Variants in GREM2 observed in about 807,000 individuals in gnomAD.
GREM2 encodes the protein gremlin 2, DAN family BMP antagonist.
GREM2 carries 11 observed loss-of-function variants against 14.2 expected under a neutral mutation model. The observed-to-expected ratio is 0.78, with a 90% confidence interval of 0.49 to 1.28. GREM2 has a LOEUF of 1.28. GREM2 is among the 50% of genes most tolerant of loss of function. The probability of loss-of-function intolerance (pLI) is 0.00; values close to 1 mark genes in which losing one functional copy is unlikely to be tolerated. For synonymous variants in GREM2, 98 were observed against 97.6 expected (o/e 1.00, Z -0.02); for missense variants, 210 against 218.5 (o/e 0.96, Z 0.24).
chr1:240,604,144 C>T (rs1213609157), intron 1 of GREM2, among the ~76,000 whole-genome samples: 1 of 151,714 alleles, frequency 6.6e-6, no homozygotes, highest in African/African-American at 2.4e-5. Context: ...GAGGGAGAAC[C>T]CACTCATTAC....
chr1:240,551,008 A>G (rs1457050323), intron 1 of GREM2, among the ~76,000 whole-genome samples: 1 of 152,214 alleles, frequency 6.6e-6, no homozygotes, highest in Admixed American at 6.5e-5. Flanking sequence ...ATGGCCTAAA[A>G]GAACTCATTT....
chr1:240,504,051 A>G (rs1423975974), intron 1 of GREM2, among the ~76,000 whole-genome samples: 3 of 152,266 alleles, frequency 2.0e-5, no homozygotes, highest in African/African-American at 7.2e-5. Context: ...AAAACTATAA[A>G]GAAGAACTTG....
chr1:240,541,084 T>C (rs1190253792), intron 1 of GREM2, among the ~76,000 whole-genome samples: 1 of 152,202 alleles, frequency 6.6e-6, no homozygotes, highest in Non-Finnish European at 1.5e-5. Flanking sequence ...AGAAATTTAA[T>C]ATCTTGGCCA....
chr1:240,522,120 CAAAAA>C (rs34438696), intron 1 of GREM2, among the ~76,000 whole-genome samples: 2 of 70,908 alleles, frequency 2.8e-5, no homozygotes, highest in African/African-American at 8.9e-5. Flanking sequence ...ACCCTGTCTC[CAAAAA>C]AAAAAAAAAA....
intron 1 of GREM2, among the ~76,000 whole-genome samples, chr1:240,583,246 T>C (rs1297795656): frequency 2.0e-5 from 3 of 152,022 alleles, no homozygotes. Flanking sequence ...TATGTTAATC[T>C]CATGGAGGAA....
chr1:240,603,437 G>A (rs1401161168), intron 1 of GREM2, among the ~76,000 whole-genome samples: 1 of 151,794 alleles, frequency 6.6e-6, no homozygotes, highest in Non-Finnish European at 1.5e-5. Flanking sequence ...TACCATCAAG[G>A]CCCAACTCCA....
chr1:240,541,126 G>A (rs1454619426), intron 1 of GREM2, among the ~76,000 whole-genome samples: 3 of 152,156 alleles, frequency 2.0e-5, no homozygotes, highest in Non-Finnish European at 2.9e-5. Context: ...TGGGATAAAA[G>A]GGTGGGATCC....
chr1:240,560,093 C>T (rs914091813), intron 1 of GREM2, among the ~76,000 whole-genome samples: 1 of 152,080 alleles, frequency 6.6e-6, no homozygotes, highest in Non-Finnish European at 1.5e-5. Flanking sequence ...CAAGACCAGC[C>T]TAGGCAACAC....
At chr1:240,507,924 T>C (rs1677717875) in intron 1 of GREM2, among the ~76,000 whole-genome samples, 1 of 152,168 alleles carries the variant, frequency 6.6e-6, no homozygotes, top group Non-Finnish European at 1.5e-5. Context: ...AAGGATCTAC[T>C]CTAAGTGAAG....
chr1:240,497,582 G>A (rs181329388), intron 1 of GREM2, among the ~76,000 whole-genome samples: 8 of 150,708 alleles, frequency 5.3e-5, no homozygotes, highest in African/African-American at 1.7e-4. Context: ...CAAAGGGTTT[G>A]GTACTGTCGA....
chr1:240,567,976 G>C (rs1363241065), intron 1 of GREM2, among the ~76,000 whole-genome samples: 1 of 152,100 alleles, frequency 6.6e-6, no homozygotes, highest in Non-Finnish European at 1.5e-5. Context: ...AGATGTGGTG[G>C]AGTGTGCCTA....
At chr1:240,494,334 C>T (rs1447122807) in intron 1 of GREM2, among the ~76,000 whole-genome samples, 1 of 152,132 alleles carries the variant, frequency 6.6e-6, no homozygotes, top group African/African-American at 2.4e-5. Flanking sequence ...AACAATGGCC[C>T]AGGATTTGAA....
chr1:240,563,068 TG>T (rs1679098669), intron 1 of GREM2, among the ~76,000 whole-genome samples: 1 of 150,278 alleles, frequency 6.7e-6, no homozygotes, highest in South Asian at 2.1e-4. Context: ...TGAGTGTGTA[TG>T]TGTGTATATG....
At chr1:240,534,507 G>A (rs936182015) in intron 1 of GREM2, among the ~76,000 whole-genome samples, 3 of 151,922 alleles carry the variant, frequency 2.0e-5, no homozygotes, top group South Asian at 2.1e-4. Context: ...GGCTAACACG[G>A]TGAAACCCTG....
chr1:240,552,670 C>T (rs1452328924), intron 1 of GREM2, among the ~76,000 whole-genome samples: 1 of 152,152 alleles, frequency 6.6e-6, no homozygotes, highest in Non-Finnish European at 1.5e-5. Flanking sequence ...TCTTGCAGAC[C>T]TGCTGTCTAG....
At chr1:240,509,471 C>T (rs1170992834) in intron 1 of GREM2, among the ~76,000 whole-genome samples, 7 of 150,384 alleles carry the variant, frequency 4.7e-5, no homozygotes, top group South Asian at 2.1e-4. Flanking sequence ...TGGGTTCAAG[C>T]GATTCTCCTG....
intron 1 of GREM2, among the ~76,000 whole-genome samples, chr1:240,534,413 G>T (rs140611122): frequency 3.7e-4 from 57 of 152,276 alleles, no homozygotes; most frequent in African/African-American, 1.3e-3. Flanking sequence ...CAAAAGGCCG[G>T]GTGCAGTGGC....
intron 1 of GREM2, among the ~76,000 whole-genome samples, chr1:240,545,448 T>A (rs1678697089): frequency 9.4e-6 from 1 of 106,688 alleles, no homozygotes; most frequent in Non-Finnish European, 1.9e-5. Flanking sequence ...CTGAGTTCGG[T>A]GTGCTGCTCT....
intron 1 of GREM2, among the ~76,000 whole-genome samples, chr1:240,520,702 C>T (rs902155344): frequency 4.6e-5 from 7 of 151,748 alleles, no homozygotes; most frequent in African/African-American, 1.7e-4. Context: ...GCTACCATGC[C>T]CAGCTAATTT....
Sources: allele counts gnomAD v4.1 joint callset (sites outside exome capture counted in the v4.1 genomes callset), GRCh38; gene constraint gnomAD v4.1.1; transcripts MANE v1.5; gene names NCBI Gene and HGNC (gene_info 2026-07-23, HGNC 2026-07-21).